IL5RA: variants seen among roughly 807,000 people sequenced by gnomAD.
IL5RA encodes the protein interleukin 5 receptor subunit alpha.
IL5RA carries 49 observed loss-of-function variants against 50.0 expected under a neutral mutation model. That is an observed-to-expected ratio of 0.98 (90% CI 0.78 to 1.24). IL5RA has a LOEUF of 1.24. IL5RA is among the 50% of genes most tolerant of loss of function. IL5RA has a pLI of 0.00. For synonymous variants in IL5RA, 202 were observed against 174.0 expected (o/e 1.16, Z -1.26); for missense variants, 600 against 500.4 (o/e 1.20, Z -1.90).
At chr3:3,078,669 A>G (rs1199615003) in intron 9 of IL5RA, among the ~76,000 whole-genome samples, 1 of 152,086 alleles carries the variant, frequency 6.6e-6, no homozygotes, top group Non-Finnish European at 1.5e-5. Flanking sequence ...CCCCATCTCT[A>G]CTAAAAATAT....
chr3:3,084,880 C>A (rs1702794175), intron 9 of IL5RA, among the ~76,000 whole-genome samples: 1 of 152,262 alleles, frequency 6.6e-6, no homozygotes, highest in African/African-American at 2.4e-5. Flanking sequence ...GGGCTGGCCC[C>A]CTGACAGCAT....
chr3:3,097,894 G>C lies in IL5RA; in HGVS notation c.685C>G (p.Gln229Glu). Reference sequence around the variant, plus strand: ...CCAATGGCGTGAAGGGCAAACAGCTGATCAAAGGGCCTGATAGCAGAGTGC... The same window carrying C: ...CCAATGGCGTGAAGGGCAAACAGCTCATCAAAGGGCCTGATAGCAGAGTGC... ...SKHSAIRPFDQLFALHAIDQI... is the reference protein window; with the variant it reads ...SKHSAIRPFDELFALHAIDQI... The change falls in exon 7 of 12, where the codon CAG becomes GAG. Residue 229 changes from glutamine to glutamate, a missense_variant. Gln to Glu is a conservative substitution (Grantham distance 29). Transcript: ENST00000446632. 1.9e-6 allele frequency: 3 copies of C among 1,613,994 alleles called. No individual in the cohort carries two copies. Among genetic ancestry groups the C allele is most frequent in the Non-Finnish European group, 2.5e-6 (3 of 1,179,932 alleles).
intron 9 of IL5RA, among the ~76,000 whole-genome samples, chr3:3,084,983 G>A (rs930565382): frequency 6.6e-6 from 1 of 152,256 alleles, no homozygotes; most frequent in Non-Finnish European, 1.5e-5. Flanking sequence ...GCGCCTGAAA[G>A]CACTGTGGGA....
chr3:3,090,125 A>G (rs1207717511), intron 9 of IL5RA: 40 of 1,359,670 alleles, frequency 2.9e-5, no homozygotes, highest in Non-Finnish European at 3.1e-5. Flanking sequence ...AAGATTATGT[A>G]TTTAGCATAG....
chr3:3,103,971 G>A (rs1575010832), intron 3 of IL5RA, among the ~76,000 whole-genome samples: 1 of 152,142 alleles, frequency 6.6e-6, no homozygotes, highest in African/African-American at 2.4e-5. Context: ...GACTTTTAGA[G>A]CTCTGTCTAT....
intron 1 of IL5RA, among the ~76,000 whole-genome samples, chr3:3,109,571 G>C (rs1704087178): frequency 6.6e-6 from 1 of 152,098 alleles, no homozygotes; most frequent in Non-Finnish European, 1.5e-5. Flanking sequence ...AAAACCATAG[G>C]TGTTGTTTTC....
chr3:3,097,011 A>T (rs1703396922), intron 7 of IL5RA, among the ~76,000 whole-genome samples: 2 of 152,362 alleles, frequency 1.3e-5, no homozygotes, highest in South Asian at 4.1e-4. Flanking sequence ...TCACTCAGCC[A>T]GTGGTGGAGC....
Position 3,076,515 on chromosome 3 carries a change from T to C in IL5RA, c.1091+16A>G. ...TGAAACCCCACTGCAAGCACGCAAA[T>C]GTAAAGAACACTTACATTTTACAGA... On this transcript the variant is annotated intron_variant, in intron 10 of 11. Coordinates refer to ENST00000446632, the MANE Select transcript of IL5RA (RefSeq NM_175726.4). 1 of 1,540,702 alleles carries C rather than the reference T, an allele frequency of 6.5e-7. No homozygotes were observed. The highest frequency in any genetic ancestry group is 9.0e-7 in the Non-Finnish European group (1 of 1,115,172).
intron 9 of IL5RA, 135 bp from the exon 10 acceptor site, chr3:3,076,762 C>A (rs1702500560): frequency 3.6e-6 from 2 of 557,284 alleles, no homozygotes; most frequent in Admixed American, 3.5e-5. Context: ...GGGCAAGTAG[C>A]TTAACTTCCC....
At chr3:3,097,699 C>A (rs334802) in intron 7 of IL5RA, among the ~76,000 whole-genome samples, 171 bp downstream of exon 7, 117,660 of 152,040 alleles carry the variant, frequency 0.77, 45,841 homozygotes, top group South Asian at 0.89. Flanking sequence ...TCCAGCAAAA[C>A]TCACTGGTGG....
chr3:3,095,230 A>C (rs1451244108), intron 8 of IL5RA, 69 bp downstream of exon 8: 6 of 1,266,238 alleles, frequency 4.7e-6, no homozygotes, highest in African/African-American at 1.5e-5. Flanking sequence ...GCAGTCACTG[A>C]AGATAATTTT....
chr3:3,073,830 C>A (rs340807), intron 11 of IL5RA: 108,703 of 438,546 alleles, frequency 0.25, 14,323 homozygotes, highest in African/African-American at 0.33. Context: ...AGAGGACCTA[C>A]AATAACCAAA....
intron 11 of IL5RA, among the ~76,000 whole-genome samples, chr3:3,073,995 A>G (rs1257043636): frequency 6.6e-6 from 1 of 152,262 alleles, no homozygotes; most frequent in Non-Finnish European, 1.5e-5. Context: ...AACCAACTAC[A>G]TACAGCAACT....
rs571599359 is a variant in IL5RA at position 3,082,078 on chromosome 3, A to G, written c.995-5451T>C. On this transcript the variant is annotated intron_variant, in intron 9 of 11. Transcript: ENST00000446632. ...GTTCAGTTACTTATTTATGCAAAAA[A>G]AAATGCCAGTACATTAGTGAATTAA... is the stretch of plus-strand genomic sequence containing the variant. Among the ~76,000 whole-genome samples, 77 of 152,356 alleles carry G rather than the reference A, an allele frequency of 5.1e-4. 1 individual carries two copies. Among genetic ancestry groups the G allele is most frequent in the Admixed American group, 2.3e-3 (35 of 15,308 alleles).
intron 9 of IL5RA, among the ~76,000 whole-genome samples, chr3:3,080,903 C>T (rs1395458321): frequency 6.6e-6 from 1 of 152,102 alleles, no homozygotes; most frequent in Non-Finnish European, 1.5e-5. Context: ...AGTATGTTGC[C>T]CAGGCTGGTC....
At chr3:3,090,995 A>G (rs1703073890) in intron 9 of IL5RA, among the ~76,000 whole-genome samples, 1 of 152,146 alleles carries the variant, frequency 6.6e-6, no homozygotes, top group Admixed American at 6.5e-5. Flanking sequence ...CATTGGGTAT[A>G]TTATTATCCT....
Position 3,101,682 on chromosome 3 carries a change from C to T in IL5RA, c.367+10G>A. The T allele has an allele frequency of 1.2e-6, 2 of 1,606,984 alleles. No homozygotes were observed. Among genetic ancestry groups the T allele is most frequent in the Non-Finnish European group, 1.7e-6 (2 of 1,178,168 alleles). ...AACATACAAACTGGACTTTTGGAGG[C>T]CTGCTTTACCTGGTGGGGCATGAAG... On this transcript the variant is annotated intron_variant, in intron 5 of 11. Coordinates refer to ENST00000446632, the MANE Select transcript of IL5RA (RefSeq NM_175726.4).
chr3:3,070,251 C>G lies in IL5RA; in HGVS notation c.1237G>C (p.Glu413Gln). 6.2e-7 allele frequency: 1 copy of G among 1,613,216 alleles called. No individual in the cohort carries two copies. Among genetic ancestry groups the G allele is most frequent in the Non-Finnish European group, 8.5e-7 (1 of 1,179,278 alleles). Reference sequence around the variant, plus strand: ...CAAAACACAGAATCCTCCAGGGTCTCAACTCCAGGCTTCTCTATATAACAG... The same window carrying G: ...CAAAACACAGAATCCTCCAGGGTCTGAACTCCAGGCTTCTCTATATAACAG... ...VICYIEKPGV[E>Q]TLEDSVF Residue 413 changes from glutamate (E) to glutamine (Q), a missense_variant, in exon 12 of 12, where the codon GAG (glutamate) becomes CAG (glutamine). Physicochemically the swap from Glu to Gln is conservative, Grantham distance 29 (BLOSUM62 2). Transcript: ENST00000446632.
intron 7 of IL5RA, among the ~76,000 whole-genome samples, chr3:3,095,910 T>C (rs1703338685): frequency 6.6e-6 from 1 of 152,220 alleles, no homozygotes; most frequent in Non-Finnish European, 1.5e-5. Flanking sequence ...TAATTTCATT[T>C]TGTTTACTGC....
Sources: gnomAD v4.1 joint callset for allele counts (sites outside exome capture counted in the v4.1 genomes callset) on GRCh38, gnomAD v4.1.1 for gene constraint, MANE v1.5 for transcripts, NCBI Gene and HGNC (gene_info 2026-07-23, HGNC 2026-07-21) for gene names.